RD3: variants seen among roughly 807,000 people sequenced by gnomAD.
RD3 encodes protein RD3.
A neutral mutation model predicts 16.9 loss-of-function variants in RD3; 11 were observed. The observed-to-expected ratio is 0.65, with a 90% CI of 0.41 to 1.08. The LOEUF is 1.08. Ranked by LOEUF, RD3 falls within the 50% of genes least tolerant of loss-of-function variation. The pLI is 0.00. For synonymous variants in RD3, 116 were observed against 114.8 expected (o/e 1.01, Z -0.07); for missense variants, 274 against 267.4 (o/e 1.02, Z -0.17).
Position 211,478,018 on chromosome 1 carries a change from T to G in RD3, c.*1018A>C. On this transcript the variant is annotated 3_prime_UTR_variant, in exon 3 of 3. Coordinates refer to ENST00000680073, the MANE Select transcript of RD3 (RefSeq NM_001164688.2). ...AGGAAGCTCTTCTAGAACATTTCAC[T>G]CAGCTGCCTCAAGGTCAGTCAGGGG... 2.5e-6 allele frequency: 1 copy of G among 398,558 alleles called. No homozygotes were observed. The highest frequency in any genetic ancestry group is 2.1e-5 in the African/African-American group (1 of 48,746). The allele number at this position is 398,558 out of a possible 1,614,324, so 24.7% of individuals were successfully genotyped here.
Position 211,481,239 on chromosome 1 carries a change from G to T in RD3, c.177C>A (p.Asp59Glu). 1 of 1,614,266 alleles carries T rather than the reference G, an allele frequency of 6.2e-7. No individual in the cohort carries two copies. Among genetic ancestry groups the T allele is most frequent in the South Asian group, 1.1e-5 (1 of 91,088 alleles). ...GGGGTGTGCTGGCCAGCCAGCTGTA[G>T]TCCACACCGGTGCAGACCTTTCTGA... ...NAVRKVCTGV[D>E]YSWLASTPRS... Residue 59 changes from aspartate (D) to glutamate (E), a missense_variant, in exon 2 of 3, where the codon GAC (aspartate) becomes GAA (glutamate). Physicochemically the swap from Asp to Glu is conservative, Grantham distance 45. Transcript: ENST00000680073.
intron 1 of RD3, among the ~76,000 whole-genome samples, chr1:211,489,577 T>C (rs1048152695): frequency 1.3e-5 from 2 of 151,798 alleles, no homozygotes; most frequent in African/African-American, 2.4e-5. Flanking sequence ...TTCTTTCTTT[T>C]TTTTTTTTTT....
At chr1:211,489,822 G>A (rs1440692985) in intron 1 of RD3, among the ~76,000 whole-genome samples, 2 of 152,092 alleles carry the variant, frequency 1.3e-5, no homozygotes, top group Admixed American at 6.5e-5. Flanking sequence ...TGTTTCAAGA[G>A]AAGGCCCAGG....
At chr1:211,481,562 C>T in intron 1 of RD3, 136 bp from the exon 2 acceptor site, 1 of 739,198 alleles carries the variant, frequency 1.4e-6, no homozygotes, top group East Asian at 2.7e-5. Flanking sequence ...AGTTGAGTGG[C>T]CTCAAGTAGG....
rs886045890 is a variant in RD3, at chr1:211,476,898, A to G, written c.*2138T>C. 1 of 152,098 alleles carries G rather than the reference A, an allele frequency of 6.6e-6. No homozygotes were observed. Among genetic ancestry groups the G allele is most frequent in the Non-Finnish European group, 1.5e-5 (1 of 68,034 alleles). 9.4% of individuals were successfully genotyped at this position (152,098 alleles called of 1,614,324 possible). ...CTTTGAATCTCCCTCCAGGTTAACT[A>G]CTTCCTCTAAAACATTTGCTGACCC... On this transcript the variant is annotated 3_prime_UTR_variant, in exon 3 of 3. Transcript: ENST00000680073.
At chr1:211,484,074 T>C (rs888451786) in intron 1 of RD3, among the ~76,000 whole-genome samples, 4 of 152,094 alleles carry the variant, frequency 2.6e-5, no homozygotes, top group African/African-American at 4.8e-5. Context: ...ATCTCCGAGG[T>C]AGATGTGGCC....
Position 211,477,402 on chromosome 1 carries a change from C to T in RD3, c.*1634G>A, listed in dbSNP as rs886045893. On this transcript the variant is annotated 3_prime_UTR_variant, in exon 3 of 3. Coordinates refer to ENST00000680073, the MANE Select transcript of RD3 (RefSeq NM_001164688.2). The stretch of plus-strand genomic sequence containing the variant: ...CCGGGAGGCAAAGGTTGTGGTGAGC[C>T]GAGATCACGCCACTGCACTGCAGCC... The T allele has an allele frequency of 6.6e-6, 1 of 150,452 alleles. No individual in the cohort carries two copies. The highest frequency in any genetic ancestry group is 2.4e-5 in the African/African-American group (1 of 40,824). 9.3% of individuals were successfully genotyped at this position (150,452 alleles called of 1,614,324 possible).
intron 1 of RD3, among the ~76,000 whole-genome samples, chr1:211,483,569 G>A (rs1033609244): frequency 6.6e-6 from 1 of 151,922 alleles, no homozygotes; most frequent in Admixed American, 6.6e-5. Flanking sequence ...GGGACGAAAG[G>A]ACGAACCATT....
chr1:211,488,834 G>A (rs1184209596), intron 1 of RD3, among the ~76,000 whole-genome samples: 1 of 152,154 alleles, frequency 6.6e-6, no homozygotes, highest in Non-Finnish European at 1.5e-5. Context: ...TCTGGGGCCT[G>A]GGGTCCAGTA....
chr1:211,478,090 C>G lies in RD3; in HGVS notation c.*946G>C. The G allele has an allele frequency of 2.5e-6, 1 of 398,748 alleles. No individual in the cohort carries two copies. Among genetic ancestry groups the G allele is most frequent in the Non-Finnish European group, 4.4e-6 (1 of 226,126 alleles). The allele number at this position is 398,748 out of a possible 1,614,324, so 24.7% of individuals were successfully genotyped here. ...AAAGCCAGAGAGCAGGTGTGACCAG[C>G]TGCAGAAAGCGGAACCCTGGAATTG... On this transcript the variant is annotated 3_prime_UTR_variant, in exon 3 of 3. Coordinates refer to ENST00000680073, the MANE Select transcript of RD3 (RefSeq NM_001164688.2).
At position 211,478,729 on chromosome 1, in the gene RD3, TGAG is replaced by T; in HGVS notation, c.*304_*306del. Reference sequence around the variant, plus strand: ...TCCCCTTTTAGACAGAACCAGGAGATGAGGATGGGGCAATGGTCTGTCTTCCAA... The same window carrying T: ...TCCCCTTTTAGACAGAACCAGGAGATGATGGGGCAATGGTCTGTCTTCCAA... On this transcript the variant is annotated 3_prime_UTR_variant, in exon 3 of 3. Coordinates refer to ENST00000680073, the MANE Select transcript of RD3 (RefSeq NM_001164688.2). 1 of 386,098 alleles carries T rather than the reference TGAG, an allele frequency of 2.6e-6. No individual in the cohort carries two copies. The highest frequency in any genetic ancestry group is 4.7e-6 in the Non-Finnish European group (1 of 214,580). 23.9% of individuals were successfully genotyped at this position (386,098 alleles called of 1,614,324 possible). A position where few individuals can be genotyped will look rare whatever the true frequency, so the allele number is the denominator to read the frequency against.
At chr1:211,483,454 C>CA (rs879727673) in intron 1 of RD3, among the ~76,000 whole-genome samples, 1,132 of 103,996 alleles carry the variant, frequency 0.011, 23 homozygotes, top group African/African-American at 0.032. Context: ...GACTCCAACT[C>CA]AAAAAAAAAA....
At chr1:211,479,446 T>C (rs1027053309) in intron 2 of RD3, 119 bp from the exon 3 acceptor site, 2 of 905,298 alleles carry the variant, frequency 2.2e-6, no homozygotes, top group Non-Finnish European at 3.3e-6. Context: ...CACTCTACTC[T>C]GCTCCTGAAG....
At position 211,487,067 on chromosome 1, in the gene RD3, G is replaced by A. The variant is rs376741031; in HGVS notation, c.-12+4701C>T. 1.3e-4 allele frequency among the ~76,000 whole-genome samples: 20 copies of A among 152,256 alleles called. No individual in the cohort carries two copies. The East Asian group carries it at 2.5e-3, about 19-fold the overall frequency. On this transcript the variant is annotated intron_variant, in intron 1 of 2. Coordinates refer to ENST00000680073, the MANE Select transcript of RD3 (RefSeq NM_001164688.2). ...GGACATGCTGAGCTGAAGAAGCCTC[G>A]TGGTCTCTCTGGCCCTCCCCACGGC...
At chr1:211,482,223 A>T (rs1705284243) in intron 1 of RD3, among the ~76,000 whole-genome samples, 1 of 91,054 alleles carries the variant, frequency 1.1e-5, no homozygotes, top group Non-Finnish European at 2.8e-5. Context: ...ACTCCGTTTA[A>T]AAAAAAAACT....
chr1:211,486,965 T>TTTGTGTAAATATG, intron 1 of RD3, among the ~76,000 whole-genome samples: 2 of 152,182 alleles, frequency 1.3e-5, no homozygotes, highest in Non-Finnish European at 2.9e-5. Context: ...TCAGAAAACA[T>TTTGTGTAAATATG]TACATAAATA....
chr1:211,481,858 T>C (rs1050518040), intron 1 of RD3, among the ~76,000 whole-genome samples: 1 of 151,398 alleles, frequency 6.6e-6, no homozygotes, highest in Admixed American at 6.6e-5. Context: ...AGATACATCC[T>C]ATGTCAGTCT....
chr1:211,489,220 T>C (rs1013389486), intron 1 of RD3, among the ~76,000 whole-genome samples: 1 of 152,236 alleles, frequency 6.6e-6, no homozygotes, highest in Non-Finnish European at 1.5e-5. Context: ...GCTACCATTG[T>C]CGCTTAGTAC....
At chr1:211,481,651 CTT>C (rs2102368271) in intron 1 of RD3, among the ~76,000 whole-genome samples, 1 of 152,300 alleles carries the variant, frequency 6.6e-6, no homozygotes, top group Non-Finnish European at 1.5e-5. Flanking sequence ...TGTGAATAAA[CTT>C]TGTACACTGT....
Sources: allele counts gnomAD v4.1 joint callset (sites outside exome capture counted in the v4.1 genomes callset), GRCh38; gene constraint gnomAD v4.1.1; transcripts MANE v1.5; gene names NCBI Gene and HGNC (gene_info 2026-07-23, HGNC 2026-07-21).